Variants in SLC25A25 observed in about 807,000 individuals in gnomAD.
SLC25A25 encodes the protein solute carrier family 25 member 25.
SLC25A25 carries 32 observed loss-of-function variants against 57.7 expected under a neutral mutation model. That is an observed-to-expected ratio of 0.55 (90% CI 0.42 to 0.74). The LOEUF (loss-of-function observed/expected upper bound fraction) is 0.74. SLC25A25 is among the 30% of genes least tolerant of loss of function. The probability of loss-of-function intolerance (pLI) is 0.00; values close to 1 mark genes in which losing one functional copy is unlikely to be tolerated. For synonymous variants in SLC25A25, 306 were observed against 291.2 expected, an observed-to-expected ratio of 1.05 and a Z score of -0.52; for missense variants, 556 against 701.3, an observed-to-expected ratio of 0.79 and a Z score of 2.34.
In SLC25A25 at chr9:128,101,223, G is replaced by GT. The variant is rs1564191676; in HGVS notation, c.388+2dup. The GT allele has an allele frequency of 1.9e-6, 3 of 1,614,262 alleles. No individual in the cohort carries two copies. Among genetic ancestry groups the GT allele is most frequent in the Non-Finnish European group, 1.7e-6 (2 of 1,180,054 alleles). On this transcript the variant is annotated splice_donor_variant, in intron 2 of 10. Coordinates refer to ENST00000373069, the MANE Select transcript of SLC25A25 (RefSeq NM_001330988.2). LOFTEE classifies it high-confidence loss of function. The surrounding 1 kb of genome is among the most constrained non-coding windows in gnomAD (Gnocchi z 4.9). ...AAGAGTTTGGACAAAAAGAATGATG[G>GT]TAAGTGTTGCCTTCAGAGCTGTGGC...
intron 1 of SLC25A25, among the ~76,000 whole-genome samples, chr9:128,076,474 ATTT>A (rs1332887429): frequency 3.5e-5 from 3 of 85,468 alleles, no homozygotes; most frequent in African/African-American, 2.4e-4. Flanking sequence ...TTTTATTTTT[ATTT>A]TTTTTTGAGA....
rs760444702 is a variant in SLC25A25 at position 128,107,992 on chromosome 9, G to A, written c.*548G>A. 7 of 398,718 alleles carry A rather than the reference G, an allele frequency of 1.8e-5. No individual in the cohort carries two copies. The highest frequency in any genetic ancestry group is 2.2e-5 in the Non-Finnish European group (5 of 226,210). 24.7% of individuals were successfully genotyped at this position (398,718 alleles called of 1,614,324 possible). ...TGACTTCCCAACCTACAGCATTGACGCCAACTTGGCTGTGAAGGAAGAGGA... is the reference window on the plus strand; with the variant it reads ...TGACTTCCCAACCTACAGCATTGACACCAACTTGGCTGTGAAGGAAGAGGA... On this transcript the variant is annotated 3_prime_UTR_variant, in exon 11 of 11. Transcript: ENST00000373069.
intron 1 of SLC25A25, among the ~76,000 whole-genome samples, chr9:128,096,989 C>T (rs1014601483): frequency 2.0e-5 from 3 of 152,232 alleles, no homozygotes; most frequent in Admixed American, 1.3e-4. Context: ...TGTCATATCA[C>T]TTGTCATAAT....
At chr9:128,077,498 C>T (rs1484397458) in intron 1 of SLC25A25, among the ~76,000 whole-genome samples, 1 of 100,180 alleles carries the variant, frequency 1.0e-5, no homozygotes, top group Non-Finnish European at 1.9e-5. Context: ...GCCTGGGCGA[C>T]AGAGCAAGAC....
chr9:128,098,234 G>T, intron 1 of SLC25A25: 1 of 219,506 alleles, frequency 4.6e-6, no homozygotes, highest in Non-Finnish European at 9.0e-6. Flanking sequence ...TTTGGGCTCT[G>T]TACCTGGTAC....
At chr9:128,104,818 TTTGA>T (rs1833946817) in intron 6 of SLC25A25, among the ~76,000 whole-genome samples, 1 of 139,626 alleles carries the variant, frequency 7.2e-6, no homozygotes, top group Non-Finnish European at 1.5e-5. Context: ...AATGAAAAAC[TTTGA>T]TTTTTAAAAA....
chr9:128,070,083 A>ATTTT (rs1832870618), intron 1 of SLC25A25, among the ~76,000 whole-genome samples: 1 of 38,506 alleles, frequency 2.6e-5, no homozygotes. Context: ...ACACCCAGCT[A>ATTTT]ATTTTTTTTT....
intron 1 of SLC25A25, among the ~76,000 whole-genome samples, chr9:128,070,910 A>G (rs2130780109): frequency 7.1e-6 from 1 of 141,796 alleles, no homozygotes. Flanking sequence ...AGATTGCACC[A>G]TTGCACTCCA....
chr9:128,083,604 G>C (rs1249507661), intron 1 of SLC25A25, among the ~76,000 whole-genome samples: 14 of 146,394 alleles, frequency 9.6e-5, no homozygotes, highest in African/African-American at 3.5e-4. Flanking sequence ...CCGCCTCCCG[G>C]GCTTACGCCA....
At chr9:128,073,501 T>C (rs4240425) in intron 1 of SLC25A25, among the ~76,000 whole-genome samples, 107,306 of 152,032 alleles carry the variant, frequency 0.71, 41,038 homozygotes, top group Non-Finnish European at 0.85. Context: ...TCTATACTTT[T>C]TAAATGTTTG....
rs1245649497 is a variant in SLC25A25, at chr9:128,108,957, G to A, written c.*1513G>A. The A allele has an allele frequency of 6.7e-6, 1 of 148,304 alleles. No individual in the cohort carries two copies. Among genetic ancestry groups the A allele is most frequent in the African/African-American group, 2.5e-5 (1 of 40,738 alleles). The allele number at this position is 148,304 out of a possible 1,614,324, so 9.2% of individuals were successfully genotyped here. On this transcript the variant is annotated 3_prime_UTR_variant, in exon 11 of 11. Transcript: ENST00000373069. ...AAGGCAGTGAGGTGCCTCTCACTGT[G>A]AATTTGTGGTGGGCGGGGGCTGGAG...
chr9:128,087,675 C>T (rs1233608497), intron 1 of SLC25A25, among the ~76,000 whole-genome samples: 1 of 152,200 alleles, frequency 6.6e-6, no homozygotes, highest in African/African-American at 2.4e-5. Context: ...TCATGGACTC[C>T]AGCTATGGGT....
In SLC25A25 at chr9:128,109,073, C is replaced by G. The variant is rs1834169481; in HGVS notation, c.*1629C>G. 6.6e-6 allele frequency: 1 copy of G among 152,488 alleles called. No individual in the cohort carries two copies. Among genetic ancestry groups the G allele is most frequent in the East Asian group, 1.9e-4 (1 of 5,184 alleles). 9.4% of individuals were successfully genotyped at this position (152,488 alleles called of 1,614,324 possible). A position where few individuals can be genotyped will look rare whatever the true frequency, so the allele number is the denominator to read the frequency against. ...AACTGGCGACCTCACGGTTGCACTT[C>G]CATTCCACCAGAATGACCTGATGAG... On this transcript the variant is annotated 3_prime_UTR_variant, in exon 11 of 11. Coordinates refer to ENST00000373069, the MANE Select transcript of SLC25A25 (RefSeq NM_001330988.2).
chr9:128,081,617 C>A (rs959653273), intron 1 of SLC25A25, among the ~76,000 whole-genome samples: 1 of 152,068 alleles, frequency 6.6e-6, no homozygotes, highest in East Asian at 1.9e-4. Flanking sequence ...GAATCATGCT[C>A]TTATAAGAGC....
Position 128,105,264 on chromosome 9 carries a change from G to A in SLC25A25, c.784-465G>A, listed in dbSNP as rs142901266. On this transcript the variant is annotated intron_variant, in intron 6 of 10. Transcript: ENST00000373069. Reference sequence around the variant, plus strand: ...TGGCTCACTGCAACCTCCACCTCCCGGATTCAAGCGATTCTCCTGCCTTAG... The same window carrying A: ...TGGCTCACTGCAACCTCCACCTCCCAGATTCAAGCGATTCTCCTGCCTTAG... 8.9e-3 allele frequency among the ~76,000 whole-genome samples: 1,300 copies of A among 146,732 alleles called. 23 individuals are homozygous for A. Among genetic ancestry groups the A allele is most frequent in the African/African-American group, 0.031 (1,246 of 39,570 alleles).
In SLC25A25 at chr9:128,107,117, G is replaced by A; in HGVS notation, c.1301G>A (p.Ser434Asn). 6.2e-7 allele frequency: 1 copy of A among 1,614,082 alleles called. No homozygotes were observed. Among genetic ancestry groups the A allele is most frequent in the Non-Finnish European group, 8.5e-7 (1 of 1,180,042 alleles). ...FVLLACGTMS[S>N]TCGQLASYPL... ...CTCCTGGCCTGTGGCACCATGTCCA[G>A]TACCTGTGGCCAGCTGGCCAGCTAC... is the stretch of plus-strand genomic sequence containing the variant. Residue 434 changes from serine (S) to asparagine (N), a missense_variant, in exon 10 of 11, where the codon AGT (serine) becomes AAT (asparagine). This residue lies in a region of SLC25A25 where 294 missense variants were observed against 389.6 expected (regional missense o/e 0.75). Transcript: ENST00000373069.
chr9:128,091,921 G>A (rs1329236118), intron 1 of SLC25A25: 1 of 1,613,334 alleles, frequency 6.2e-7, no homozygotes, highest in Admixed American at 1.7e-5. Context: ...CCAGGGCTGG[G>A]TGCCACGGCT....
chr9:128,107,961 C>A lies in SLC25A25; in HGVS notation c.*517C>A. Reference sequence around the variant, plus strand: ...TGAAAGGTGAGGTCACGTGGCCTCCCAGGCCTGACTTCCCAACCTACAGCA... The same window carrying A: ...TGAAAGGTGAGGTCACGTGGCCTCCAAGGCCTGACTTCCCAACCTACAGCA... On this transcript the variant is annotated 3_prime_UTR_variant, in exon 11 of 11. Transcript: ENST00000373069. The A allele has an allele frequency of 2.5e-6, 1 of 399,076 alleles. No individual in the cohort carries two copies. The highest frequency in any genetic ancestry group is 4.4e-5 in the Admixed American group (1 of 22,756). The allele number at this position is 399,076 out of a possible 1,614,324, so 24.7% of individuals were successfully genotyped here.
At chr9:128,094,599 C>T (rs1833507474) in intron 1 of SLC25A25, 1 of 152,222 alleles carries the variant, frequency 6.6e-6, no homozygotes, top group East Asian at 1.9e-4. Context: ...GGCAAAGCTT[C>T]CTCATATTAA....
Sources: gnomAD v4.1 joint callset for allele counts (sites outside exome capture counted in the v4.1 genomes callset) on GRCh38, gnomAD v4.1.1 for gene constraint, gnomAD v4.1.1 regional missense constraint, Gnocchi (gnomAD v3.1) non-coding constraint, MANE v1.5 for transcripts, NCBI Gene and HGNC (gene_info 2026-07-23, HGNC 2026-07-21) for gene names.